The following ZDHHC16 variants were observed in gnomAD, a reference collection of about 807,000 sequenced individuals.
ZDHHC16 encodes zDHHC palmitoyltransferase 16.
ZDHHC16 carries 33 observed loss-of-function variants against 54.4 expected under a neutral mutation model. The ratio of observed to expected loss-of-function variants is 0.61; its 90% CI spans 0.46 to 0.81. ZDHHC16 has a LOEUF of 0.81. ZDHHC16 is among the 30% of genes least tolerant of loss of function. ZDHHC16 has a pLI of 0.00. For missense variants in ZDHHC16, 420 were observed against 485.9 expected, an observed-to-expected ratio of 0.86 and a Z score of 1.28; for synonymous variants, 185 against 182.1, an observed-to-expected ratio of 1.02 and a Z score of -0.13.
chr10:97,457,092 C>CA lies in ZDHHC16; in HGVS notation c.*202dup, dbSNP rs2029880540. The CA allele has an allele frequency of 2.7e-6, 1 of 368,068 alleles. No individual in the cohort carries two copies. The highest frequency in any genetic ancestry group is 4.9e-6 in the Non-Finnish European group (1 of 203,532). 22.8% of individuals were successfully genotyped at this position (368,068 alleles called of 1,614,324 possible). A position where few individuals can be genotyped will look rare whatever the true frequency, so the allele number is the denominator to read the frequency against. On this transcript the variant is annotated 3_prime_UTR_variant, in exon 12 of 12. Coordinates refer to ENST00000393760, the MANE Select transcript of ZDHHC16 (RefSeq NM_198046.3). ...CAATGTGGAGAAATCTTAGGACTGA[C>CA]ATCCCTTTACTCAGGCAAACAGAAG...
At chr10:97,456,318 C>CCAGT (rs1277658495) in intron 11 of ZDHHC16, 3 of 440,716 alleles carry the variant, frequency 6.8e-6, no homozygotes, top group Non-Finnish European at 1.2e-5. Flanking sequence ...ATGGTGGCCA[C>CCAGT]CAGTCACCTC....
chr10:97,446,249 A>G lies in ZDHHC16; in HGVS notation c.-290A>G, dbSNP rs1044169589. On this transcript the variant is annotated 5_prime_UTR_variant, in exon 1 of 12. Coordinates refer to ENST00000393760, the MANE Select transcript of ZDHHC16 (RefSeq NM_198046.3). ...CGGGCGGCGGGCCATGGTGGTTTGG[A>G]TTGAGCCGGGCCCGGCCGGGGCGCC... 3 of 576,818 alleles carry G rather than the reference A, an allele frequency of 5.2e-6. No homozygotes were observed. The highest frequency in any genetic ancestry group is 9.2e-6 in the Non-Finnish European group (3 of 325,108). The allele number at this position is 576,818 out of a possible 1,614,324, so 35.7% of individuals were successfully genotyped here.
chr10:97,450,047 A>T (rs1205073974), intron 1 of ZDHHC16, among the ~76,000 whole-genome samples: 2 of 148,038 alleles, frequency 1.4e-5, no homozygotes, highest in Admixed American at 1.3e-4. Context: ...AATTTTTTGT[A>T]TTTTTAGTAG....
Position 97,451,858 on chromosome 10 carries a change from T to C in ZDHHC16, c.183T>C (p.Val61=), listed in dbSNP as rs1480037729. ...YNSFGGSDTA[V]DAAFEPVYWL... ...CCTTTGGGGGCAGTGACACCGCTGTTGATGCTGCCTTTGAGCCTGTCTACT... is the reference window on the plus strand; with the variant it reads ...CCTTTGGGGGCAGTGACACCGCTGTCGATGCTGCCTTTGAGCCTGTCTACT... The change falls in exon 3 of 12, where the codon GTT becomes GTC. Residue 61 remains valine (V), a synonymous_variant. Transcript: ENST00000393760. 2 of 1,614,070 alleles carry C rather than the reference T, an allele frequency of 1.2e-6. No homozygotes were observed. The highest frequency in any genetic ancestry group is 2.2e-5 in the East Asian group (1 of 44,894).
chr10:97,452,259 C>G lies in ZDHHC16; in HGVS notation c.413C>G (p.Thr138Ser), dbSNP rs1424103051. ...GTCTTCCACTACTACCAGGCCATCA[C>G]CACTCCGCCTGGGTACCCACCCCAG... is the stretch of plus-strand genomic sequence containing the variant. Reference protein sequence around the residue: ...LIVFHYYQAITTPPGYPPQGR... With the variant: ...LIVFHYYQAISTPPGYPPQGR... The change falls in exon 4 of 12, where the codon ACC becomes AGC. Residue 138 changes from threonine (T) to serine (S), a missense_variant. By Grantham distance (58) the Thr-to-Ser change is moderately conservative. Coordinates refer to ENST00000393760, the MANE Select transcript of ZDHHC16 (RefSeq NM_198046.3). The G allele has an allele frequency of 6.2e-6, 10 of 1,614,138 alleles. No homozygotes were observed. The highest frequency in any genetic ancestry group is 8.5e-6 in the Non-Finnish European group (10 of 1,180,032).
chr10:97,453,792 C>A lies in ZDHHC16; in HGVS notation c.691-7C>A. On this transcript the variant is annotated splice_region_variant and splice_polypyrimidine_tract_variant and intron_variant, in intron 7 of 11. Coordinates refer to ENST00000393760, the MANE Select transcript of ZDHHC16 (RefSeq NM_198046.3). ...AGTATAACCAGCACTGTTTTCCGTCCCCTTAGAAAATGAAACAGCTCGACA... is the reference window on the plus strand; with the variant it reads ...AGTATAACCAGCACTGTTTTCCGTCACCTTAGAAAATGAAACAGCTCGACA... The A allele has an allele frequency of 6.2e-7, 1 of 1,614,190 alleles. No homozygotes were observed. The highest frequency in any genetic ancestry group is 1.1e-5 in the South Asian group (1 of 91,082).
chr10:97,453,922 C>T (rs1440328502), intron 8 of ZDHHC16, 76 bp downstream of exon 8: 31 of 1,594,846 alleles, frequency 1.9e-5, no homozygotes, highest in Middle Eastern at 4.0e-4. Flanking sequence ...CTGGGGCCGA[C>T]CTGCCCATGT....
At position 97,452,026 on chromosome 10, in the gene ZDHHC16, A is replaced by G. The variant is rs1346889979; in HGVS notation, c.244-64A>G. On this transcript the variant is annotated intron_variant, in intron 3 of 11. Transcript: ENST00000393760. ...GAGGCCGGCCCCCACCCCCAGGGAAACTCCGAGTCTCCTTTGGGCATAGCT... is the reference window on the plus strand; with the variant it reads ...GAGGCCGGCCCCCACCCCCAGGGAAGCTCCGAGTCTCCTTTGGGCATAGCT... 3 of 1,604,108 alleles carry G rather than the reference A, an allele frequency of 1.9e-6. No individual in the cohort carries two copies. The East Asian group carries it at 6.7e-5, about 36-fold the overall frequency.
rs1443335623 is a variant in ZDHHC16, at chr10:97,456,205, G to A, written c.1019+161G>A. On this transcript the variant is annotated intron_variant, in intron 11 of 11. Transcript: ENST00000393760. The stretch of plus-strand genomic sequence containing the variant: ...TTGTCCATTTGAACCAGAAAGGCTT[G>A]AGGCCAATACTGTGTGGTTTTAAGT... The A allele has an allele frequency of 9.8e-6, 7 of 716,720 alleles. No homozygotes were observed. The East Asian group carries it at 1.9e-4, about 19-fold the overall frequency. 44.4% of individuals were successfully genotyped at this position (716,720 alleles called of 1,614,324 possible).
At position 97,456,022 on chromosome 10, in the gene ZDHHC16, T is replaced by G; in HGVS notation, c.997T>G (p.Phe333Val). Residue 333 changes from phenylalanine to valine, a missense_variant, in exon 11 of 12, where the codon TTC becomes GTC. Transcript: ENST00000393760. ...CGGCTGCTTGGACAACTGGAAGGTA[T>G]TCCTGGGTGTGGATACAGGAAGGTA... ...NYGCLDNWKV[F>V]LGVDTGRHWL... is the part of the protein sequence containing the mutation. 6.2e-7 allele frequency: 1 copy of G among 1,614,214 alleles called. No individual in the cohort carries two copies. Among genetic ancestry groups the G allele is most frequent in the Non-Finnish European group, 8.5e-7 (1 of 1,180,030 alleles).
In ZDHHC16 at chr10:97,456,273, A is replaced by G. The variant is rs538847889; in HGVS notation, c.1019+229A>G. The stretch of plus-strand genomic sequence containing the variant: ...CGTGACTACAGTGGAATCCTAGGAA[A>G]GCTGTGCTCAGGAAGGGGCCTCTGG... On this transcript the variant is annotated intron_variant, in intron 11 of 11. Transcript: ENST00000393760. The G allele has an allele frequency of 7.3e-4, 375 of 514,198 alleles. 1 individual carries two copies. Among genetic ancestry groups the G allele is most frequent in the Non-Finnish European group, 1.1e-3 (337 of 295,262 alleles). The allele number at this position is 514,198 out of a possible 1,614,324, so 31.9% of individuals were successfully genotyped here. A position where few individuals can be genotyped will look rare whatever the true frequency, so the allele number is the denominator to read the frequency against.
rs1847341701 is a variant in ZDHHC16 at position 97,457,030 on chromosome 10, C to G, written c.*139C>G. ...CCTTAGGGTACCATGCAGGACAATTCAAGGACCAGCCTTTTTACCACTGCA... is the reference window on the plus strand; with the variant it reads ...CCTTAGGGTACCATGCAGGACAATTGAAGGACCAGCCTTTTTACCACTGCA... On this transcript the variant is annotated 3_prime_UTR_variant, in exon 12 of 12. Coordinates refer to ENST00000393760, the MANE Select transcript of ZDHHC16 (RefSeq NM_198046.3). The G allele has an allele frequency of 1.9e-6, 1 of 520,118 alleles. No individual in the cohort carries two copies. The highest frequency in any genetic ancestry group is 3.2e-6 in the Non-Finnish European group (1 of 308,196). 32.2% of individuals were successfully genotyped at this position (520,118 alleles called of 1,614,324 possible). A position where few individuals can be genotyped will look rare whatever the true frequency, so the allele number is the denominator to read the frequency against.
intron 2 of ZDHHC16, 69 bp from the exon 3 acceptor site, chr10:97,451,602 A>G (rs576513750): frequency 6.5e-6 from 10 of 1,548,386 alleles, no homozygotes; most frequent in African/African-American, 5.4e-5. Flanking sequence ...TGAGTACTCT[A>G]GGCCTTCCCA....
chr10:97,451,332 CT>C (rs1179163798), intron 2 of ZDHHC16: 1 of 288,498 alleles, frequency 3.5e-6, no homozygotes, highest in African/African-American at 2.2e-5. Context: ...ACTCCTAAGA[CT>C]GCTTTGATTT....
In ZDHHC16 at chr10:97,446,249, A is replaced by C. The variant is rs1044169589; in HGVS notation, c.-290A>C. 1.7e-6 allele frequency: 1 copy of C among 576,818 alleles called. No homozygotes were observed. Among genetic ancestry groups the C allele is most frequent in the Non-Finnish European group, 3.1e-6 (1 of 325,108 alleles). The allele number at this position is 576,818 out of a possible 1,614,324, so 35.7% of individuals were successfully genotyped here. A position where few individuals can be genotyped will look rare whatever the true frequency, so the allele number is the denominator to read the frequency against. On this transcript the variant is annotated 5_prime_UTR_variant, in exon 1 of 12. Coordinates refer to ENST00000393760, the MANE Select transcript of ZDHHC16 (RefSeq NM_198046.3). ...CGGGCGGCGGGCCATGGTGGTTTGG[A>C]TTGAGCCGGGCCCGGCCGGGGCGCC...
intron 5 of ZDHHC16, 106 bp from the exon 6 acceptor site, chr10:97,452,789 G>C: frequency 6.7e-7 from 1 of 1,485,776 alleles, no homozygotes; most frequent in Non-Finnish European, 9.4e-7. Context: ...TTCAAAGTCT[G>C]TGCCCTTTCC....
chr10:97,452,773 G>T, intron 5 of ZDHHC16, 122 bp from the exon 6 acceptor site: 1 of 1,334,600 alleles, frequency 7.5e-7, no homozygotes, highest in South Asian at 1.2e-5. Context: ...GCAAGGCCTG[G>T]CTGTCTTCAA....
At chr10:97,455,345 G>C (rs1215298863) in intron 9 of ZDHHC16, among the ~76,000 whole-genome samples, 1 of 152,142 alleles carries the variant, frequency 6.6e-6, no homozygotes, top group African/African-American at 2.4e-5. Flanking sequence ...CAACAACAGA[G>C]ATGGAGTCTT....
chr10:97,449,685 T>C (rs150318272), intron 1 of ZDHHC16, among the ~76,000 whole-genome samples: 7 of 151,748 alleles, frequency 4.6e-5, no homozygotes, highest in Non-Finnish European at 1.0e-4. Context: ...CGCGCCACCA[T>C]GCCCAGCTAT....
Sources: gnomAD v4.1 joint callset for allele counts (sites outside exome capture counted in the v4.1 genomes callset) on GRCh38, gnomAD v4.1.1 for gene constraint, MANE v1.5 for transcripts, NCBI Gene and HGNC (gene_info 2026-07-23, HGNC 2026-07-21) for gene names.